The following IL6ST variants were observed in gnomAD, a reference collection of about 807,000 sequenced individuals.
IL6ST encodes interleukin-6 receptor subunit beta.
Under a neutral mutation model 91.3 loss-of-function variants are expected in IL6ST, and 24 were observed. That is an observed-to-expected ratio of 0.26 (90% confidence interval 0.19 to 0.37). The LOEUF (loss-of-function observed/expected upper bound fraction) is 0.37, where lower values mean the gene tolerates loss of function less well. Ranked by LOEUF, IL6ST falls within the 10% of genes least tolerant of loss-of-function variation. The pLI is 1.00. For synonymous variants in IL6ST, 351 were observed against 373.6 expected, an observed-to-expected ratio of 0.94 and a Z score of 0.70; for missense variants, 914 against 1,078.5, an observed-to-expected ratio of 0.85 and a Z score of 2.14.
At chr5:55,956,000 C>T (rs3729962) in intron 10 of IL6ST, 25 bp downstream of exon 10, 20,142 of 1,537,344 alleles carry the variant, frequency 0.013, 187 homozygotes, top group Non-Finnish European at 0.015. Context: ...ACCCAAGAGT[C>T]AGGCTCCATC....
chr5:55,966,093 GT>G (rs1336937235), intron 5 of IL6ST, among the ~76,000 whole-genome samples: 2 of 152,046 alleles, frequency 1.3e-5, no homozygotes, highest in Non-Finnish European at 1.5e-5. Context: ...TTTTCTTTAA[GT>G]ATTTCAGCTA....
chr5:55,986,733 T>C (rs1382366489), intron 1 of IL6ST, among the ~76,000 whole-genome samples: 1 of 152,232 alleles, frequency 6.6e-6, no homozygotes, highest in African/African-American at 2.4e-5. Flanking sequence ...TTGGTTGCTT[T>C]AGGTTTATAG....
chr5:55,968,217 T>A (rs865850950), intron 5 of IL6ST, 59 bp downstream of exon 5: 3 of 1,384,648 alleles, frequency 2.2e-6, no homozygotes, highest in Middle Eastern at 1.8e-4. Context: ...AAATAAAAAT[T>A]CCAGCAAAAA....
Position 55,952,332 on chromosome 5 carries a change from T to G in IL6ST, c.1470A>C (p.Lys490Asn). The part of the protein sequence containing the change: ...TYLRGNLAES[K>N]CYLITVTPVY... ...CTGGAGTAACTGTTATCAAATAGCA[T>G]TTGCTCTCTGCTAAGTTCCCTAAAG... The change falls in exon 12 of 17, where the codon AAA becomes AAC. Residue 490 changes from lysine to asparagine, a missense_variant. Physicochemically the swap from Lys to Asn is moderately conservative, Grantham distance 94. Transcript: ENST00000381298. The G allele has an allele frequency of 6.3e-7, 1 of 1,597,278 alleles. No individual in the cohort carries two copies. Among genetic ancestry groups the G allele is most frequent in the Non-Finnish European group, 8.6e-7 (1 of 1,167,412 alleles).
intron 1 of IL6ST, among the ~76,000 whole-genome samples, chr5:55,985,015 T>C (rs1753874707): frequency 6.6e-6 from 1 of 152,236 alleles, no homozygotes; most frequent in African/African-American, 2.4e-5. Context: ...ATTGATCAAC[T>C]GGGTTTCCTG....
intron 1 of IL6ST, among the ~76,000 whole-genome samples, chr5:55,985,351 C>T (rs1274049567): frequency 6.6e-6 from 1 of 151,732 alleles, no homozygotes; most frequent in Admixed American, 6.6e-5. Context: ...CCTGTCTCTA[C>T]TAAAATATTT....
At position 55,938,640 on chromosome 5, in the gene IL6ST, G is replaced by A. The variant is rs1354091924; in HGVS notation, c.*2442C>T. ...ATAAAGCCACTAACTAACTTTATTA[G>A]ACTAGTTTTTACATAAATAACCAGA... On this transcript the variant is annotated 3_prime_UTR_variant, in exon 17 of 17. Transcript: ENST00000381298. 8 of 196,216 alleles carry A rather than the reference G, an allele frequency of 4.1e-5. No homozygotes were observed. The highest frequency in any genetic ancestry group is 1.4e-4 in the African/African-American group (6 of 43,402). 12.2% of individuals were successfully genotyped at this position (196,216 alleles called of 1,614,324 possible). A position where few individuals can be genotyped will look rare whatever the true frequency, so the allele number is the denominator to read the frequency against.
chr5:55,957,255 T>C lies in IL6ST; in HGVS notation c.1010A>G (p.Asp337Gly). The change falls in exon 9 of 17, where the codon GAT (aspartate) becomes GGT (glycine). Residue 337 changes from aspartate to glycine, a missense_variant. Transcript: ENST00000381298. ...TCTGTAGCCTTGAGTATGGGATGGA[T>C]CTATTTTATACCAGAAACTTGGTGC... The part of the protein sequence containing the change: ...SKAPSFWYKI[D>G]PSHTQGYRTV... The C allele has an allele frequency of 2.6e-6, 4 of 1,568,378 alleles. No individual in the cohort carries two copies. The highest frequency in any genetic ancestry group is 3.5e-6 in the Non-Finnish European group (4 of 1,153,258).
chr5:55,971,224 G>T (rs1245189529), intron 3 of IL6ST, among the ~76,000 whole-genome samples: 1 of 152,146 alleles, frequency 6.6e-6, no homozygotes, highest in Non-Finnish European at 1.5e-5. Flanking sequence ...CAGATACTCT[G>T]TAGTCATCTT....
chr5:55,935,876 G>A lies in IL6ST; in HGVS notation c.*5206C>T, dbSNP rs1350147197. On this transcript the variant is annotated 3_prime_UTR_variant, in exon 17 of 17. Coordinates refer to ENST00000381298, the MANE Select transcript of IL6ST (RefSeq NM_002184.4). ...AGTTACATAATCTTTTCCAAAGCAG[G>A]ATGGACTGTATCTATCATACACATT... 6 of 218,470 alleles carry A rather than the reference G, an allele frequency of 2.7e-5. No individual in the cohort carries two copies. Among genetic ancestry groups the A allele is most frequent in the Non-Finnish European group, 5.5e-5 (6 of 108,898 alleles). 13.5% of individuals were successfully genotyped at this position (218,470 alleles called of 1,614,324 possible).
intron 1 of IL6ST, among the ~76,000 whole-genome samples, chr5:55,983,686 A>G (rs1251672945): frequency 1.3e-5 from 2 of 152,192 alleles, no homozygotes; most frequent in Non-Finnish European, 2.9e-5. Context: ...TAATGAAAAG[A>G]AACTGAAAAA....
At chr5:55,973,066 T>C (rs905225263) in intron 3 of IL6ST, among the ~76,000 whole-genome samples, 3 of 150,968 alleles carry the variant, frequency 2.0e-5, no homozygotes, top group Admixed American at 1.3e-4. Context: ...ACAATGAACA[T>C]TATGAAATTG....
In IL6ST at chr5:55,938,978, A is replaced by C. The variant is rs2112649898; in HGVS notation, c.*2104T>G. On this transcript the variant is annotated 3_prime_UTR_variant, in exon 17 of 17. Coordinates refer to ENST00000381298, the MANE Select transcript of IL6ST (RefSeq NM_002184.4). ...TGGCCTTCAATGATCCTCCATTCTC[A>C]TTCCTGTAGATTAAGAGTTCATATT... 4.9e-6 allele frequency: 1 copy of C among 204,198 alleles called. No individual in the cohort carries two copies. Among genetic ancestry groups the C allele is most frequent in the East Asian group, 7.5e-5 (1 of 13,300 alleles). The allele number at this position is 204,198 out of a possible 1,614,324, so 12.6% of individuals were successfully genotyped here.
chr5:55,993,570 T>C (rs1038113252), intron 1 of IL6ST, among the ~76,000 whole-genome samples: 1 of 152,212 alleles, frequency 6.6e-6, no homozygotes, highest in Non-Finnish European at 1.5e-5. Context: ...ATTAAACTGG[T>C]ATTGTCAATA....
rs962341649 is a variant in IL6ST, at chr5:55,968,011, G to A, written c.491+265C>T. On this transcript the variant is annotated intron_variant, in intron 5 of 16. Coordinates refer to ENST00000381298, the MANE Select transcript of IL6ST (RefSeq NM_002184.4). ...GGGTTTTGCTCTGGTTGGCCAGGCTGGTCTCGAACTCCTGACCTCAAGTTA... is the reference window on the plus strand; with the variant it reads ...GGGTTTTGCTCTGGTTGGCCAGGCTAGTCTCGAACTCCTGACCTCAAGTTA... Among the ~76,000 whole-genome samples the A allele has an allele frequency of 2.0e-5, 3 of 152,154 alleles. No homozygotes were observed. In the East Asian group the frequency reaches 5.8e-4, roughly 29 times the overall value.
At chr5:55,981,039 A>G (rs2111889889) in intron 2 of IL6ST, among the ~76,000 whole-genome samples, 1 of 152,312 alleles carries the variant, frequency 6.6e-6, no homozygotes, top group African/African-American at 2.4e-5. Flanking sequence ...CAAATGTACT[A>G]TATTCTTGCA....
In IL6ST at chr5:55,936,209, T is replaced by C. The variant is rs150266043; in HGVS notation, c.*4873A>G. On this transcript the variant is annotated 3_prime_UTR_variant, in exon 17 of 17. Transcript: ENST00000381298. ...GTAACCTCAAGAAGTAGCAGGAGGATGCCATGTATCAATCTTGAACTTCAA... is the reference window on the plus strand; with the variant it reads ...GTAACCTCAAGAAGTAGCAGGAGGACGCCATGTATCAATCTTGAACTTCAA... 195 of 228,080 alleles carry C rather than the reference T, an allele frequency of 8.5e-4. 1 individual carries two copies. The highest frequency in any genetic ancestry group is 4.0e-3 in the African/African-American group (182 of 45,136). 14.1% of individuals were successfully genotyped at this position (228,080 alleles called of 1,614,324 possible). A position where few individuals can be genotyped will look rare whatever the true frequency, so the allele number is the denominator to read the frequency against.
Position 55,960,119 on chromosome 5 carries a change from T to G in IL6ST, c.973+283A>C, listed in dbSNP as rs939246379. ...CAGGCTGGTCTCAAACTCCTGACCT[T>G]GTGATCCGCCCACCTCGGCCTCCCA... On this transcript the variant is annotated intron_variant, in intron 8 of 16. Transcript: ENST00000381298. 2.0e-5 allele frequency among the ~76,000 whole-genome samples: 3 copies of G among 152,090 alleles called. No homozygotes were observed. The South Asian group carries it at 6.2e-4, about 32-fold the overall frequency.
In IL6ST at chr5:55,951,964, G is replaced by A; in HGVS notation, c.1664C>T (p.Thr555Ile). ...DVQNGFIRNY[T>I]IFYRTIIGNE... is the part of the protein sequence containing the mutation. ...TCCAATGATGGTTCTATAAAATATAGTATAATTTCTGATAAATCCATTCTG... is the reference window on the plus strand; with the variant it reads ...TCCAATGATGGTTCTATAAAATATAATATAATTTCTGATAAATCCATTCTG... The change falls in exon 13 of 17, where the codon ACT becomes ATT. Residue 555 changes from threonine (T) to isoleucine (I), a missense_variant. Transcript: ENST00000381298. The A allele has an allele frequency of 1.3e-6, 2 of 1,500,674 alleles. No individual in the cohort carries two copies. 93.0% of individuals were successfully genotyped at this position (1,500,674 alleles called of 1,614,324 possible).
Sources: gnomAD v4.1 joint callset for allele counts (sites outside exome capture counted in the v4.1 genomes callset) on GRCh38, gnomAD v4.1.1 for gene constraint, MANE v1.5 for transcripts, NCBI Gene and HGNC (gene_info 2026-07-23, HGNC 2026-07-21) for gene names.